RPAP2: variants seen among roughly 807,000 people sequenced by gnomAD.
RPAP2 encodes the protein putative RNA polymerase II subunit B1 CTD phosphatase RPAP2.
RPAP2 carries 52 observed loss-of-function variants against 73.1 expected under a neutral mutation model. That is an observed-to-expected ratio of 0.71 (90% CI 0.57 to 0.90). RPAP2 has a LOEUF of 0.90. Among genes scored for constraint, RPAP2 ranks in the 40% least tolerant of loss-of-function variants. The probability of loss-of-function intolerance (pLI) is 0.00; values close to 1 mark genes in which losing one functional copy is unlikely to be tolerated. For missense variants in RPAP2, 598 were observed against 701.8 expected, an observed-to-expected ratio of 0.85 and a Z score of 1.67; for synonymous variants, 225 against 242.1, an observed-to-expected ratio of 0.93 and a Z score of 0.65.
chr1:92,319,652 C>T (rs1026748277), intron 6 of RPAP2, among the ~76,000 whole-genome samples: 1 of 152,134 alleles, frequency 6.6e-6, no homozygotes, highest in African/African-American at 2.4e-5. Context: ...TAAACAGTCT[C>T]TGCCTTTAAG....
chr1:92,323,923 G>T lies in RPAP2; in HGVS notation c.1003G>T (p.Glu335Ter). Reference protein sequence around the residue: ...TLVGISKKSAEHFKRKFAKSN... With the variant: ...TLVGISKKSA Reference sequence around the variant, plus strand: ...AGTAGGCATAAGTAAGAAAAGTGCAGAGCATTTTAAGAGAAAATTTGCCAA... The same window carrying T: ...AGTAGGCATAAGTAAGAAAAGTGCATAGCATTTTAAGAGAAAATTTGCCAA... The change falls in exon 8 of 13, where the codon GAG becomes TAG. Residue 335 changes from glutamate to a stop codon, truncating the protein, a stop_gained. Transcript: ENST00000610020. LOFTEE classifies it high-confidence loss of function. 1.9e-6 allele frequency: 3 copies of T among 1,614,136 alleles called. No homozygotes were observed. In the South Asian group the frequency reaches 3.3e-5, roughly 18 times the overall value.
intron 11 of RPAP2, among the ~76,000 whole-genome samples, chr1:92,352,031 G>C (rs1471212317): frequency 6.6e-6 from 1 of 152,096 alleles, no homozygotes; most frequent in Non-Finnish European, 1.5e-5. Context: ...AAGGATAGAG[G>C]ATAAAGTGAC....
chr1:92,330,822 A>C (rs1652923433), intron 8 of RPAP2, among the ~76,000 whole-genome samples: 1 of 152,222 alleles, frequency 6.6e-6, no homozygotes, highest in African/African-American at 2.4e-5. Context: ...AGACTAATAC[A>C]GTGCTTACTA....
intron 7 of RPAP2, 79 bp from the exon 8 acceptor site, chr1:92,323,366 G>C: frequency 1.0e-6 from 1 of 966,086 alleles, no homozygotes. Flanking sequence ...AATACTATGG[G>C]GTACTTTACT....
chr1:92,363,453 A>G (rs1049239494), intron 11 of RPAP2, among the ~76,000 whole-genome samples: 3 of 152,222 alleles, frequency 2.0e-5, no homozygotes, highest in Non-Finnish European at 2.9e-5. Context: ...GTGGCTGCAG[A>G]TGCATTTATA....
chr1:92,306,792 C>T (rs1651268226), intron 5 of RPAP2, among the ~76,000 whole-genome samples: 3 of 151,664 alleles, frequency 2.0e-5, no homozygotes, highest in Admixed American at 1.3e-4. Flanking sequence ...TGAGTGAGAC[C>T]CTGTCCCTAA....
rs572542594 is a variant in RPAP2, at chr1:92,386,928, G to A, written c.*-83G>A. On this transcript the variant is annotated intron_variant, in intron 12 of 12. Coordinates refer to ENST00000610020, the MANE Select transcript of RPAP2 (RefSeq NM_024813.3). Reference sequence around the variant, plus strand: ...GGGTTTCACCATGCTGGCCAGGTTGGTCTCAAACTCCTGACCTCATGATCT... The same window carrying A: ...GGGTTTCACCATGCTGGCCAGGTTGATCTCAAACTCCTGACCTCATGATCT... 162 of 1,171,002 alleles carry A rather than the reference G, an allele frequency of 1.4e-4. No individual in the cohort carries two copies. In the South Asian group the frequency reaches 2.4e-3, roughly 17 times the overall value. The allele number at this position is 1,171,002 out of a possible 1,614,324, so 72.5% of individuals were successfully genotyped here. A position where few individuals can be genotyped will look rare whatever the true frequency, so the allele number is the denominator to read the frequency against.
rs959781789 is a variant in RPAP2, at chr1:92,317,390, C to G, written c.489-3209C>G. On this transcript the variant is annotated intron_variant, in intron 6 of 12. Transcript: ENST00000610020. ...GGGCGTAGTGGCGGGTGCCTGTAAT[C>G]CCAGCTACTCAGGAGGCTGAGGCAG... Among the ~76,000 whole-genome samples, 5 of 151,486 alleles carry G rather than the reference C, an allele frequency of 3.3e-5. No individual in the cohort carries two copies. The East Asian group carries it at 9.7e-4, about 29-fold the overall frequency.
chr1:92,393,559 A>G lies in RPAP2; in HGVS notation c.*6548A>G, dbSNP rs1373544833. On this transcript the variant is annotated 3_prime_UTR_variant, in exon 13 of 13. Coordinates refer to ENST00000610020, the MANE Select transcript of RPAP2 (RefSeq NM_024813.3). ...CAGGCAACCTACAGAATGGGAGAAC[A>G]TTTTTGCAATATATCCATCTGACAA... 6.6e-6 allele frequency: 1 copy of G among 152,230 alleles called. No individual in the cohort carries two copies. Among genetic ancestry groups the G allele is most frequent in the Non-Finnish European group, 1.5e-5 (1 of 68,046 alleles). The allele number at this position is 152,230 out of a possible 1,614,324, so 9.4% of individuals were successfully genotyped here. A position where few individuals can be genotyped will look rare whatever the true frequency, so the allele number is the denominator to read the frequency against.
intron 11 of RPAP2, among the ~76,000 whole-genome samples, chr1:92,377,882 A>G (rs1388274245): frequency 6.6e-6 from 1 of 152,196 alleles, no homozygotes; most frequent in African/African-American, 2.4e-5. Context: ...AGTTTTCTAG[A>G]GAAGTATTAT....
At chr1:92,372,074 T>C (rs1277899485) in intron 11 of RPAP2, among the ~76,000 whole-genome samples, 1 of 152,170 alleles carries the variant, frequency 6.6e-6, no homozygotes, top group Admixed American at 6.5e-5. Flanking sequence ...CATTCCACAA[T>C]GTACACATAT....
chr1:92,385,506 T>C (rs953463319), intron 12 of RPAP2, among the ~76,000 whole-genome samples: 7 of 152,200 alleles, frequency 4.6e-5, no homozygotes, highest in African/African-American at 1.4e-4. Flanking sequence ...ATTTTCTATA[T>C]GAGAAATGAA....
chr1:92,367,675 G>A (rs908431330), intron 11 of RPAP2, among the ~76,000 whole-genome samples: 4 of 152,166 alleles, frequency 2.6e-5, no homozygotes, highest in Admixed American at 6.5e-5. Flanking sequence ...AAATCTGATA[G>A]GTACAGAAAA....
intron 11 of RPAP2, among the ~76,000 whole-genome samples, chr1:92,362,200 C>T (rs1238318477): frequency 6.6e-6 from 1 of 152,098 alleles, no homozygotes; most frequent in Non-Finnish European, 1.5e-5. Flanking sequence ...TCCTGATCAC[C>T]GAGTGTGTTT....
At chr1:92,370,595 A>G (rs1040638703) in intron 11 of RPAP2, among the ~76,000 whole-genome samples, 5 of 152,206 alleles carry the variant, frequency 3.3e-5, no homozygotes, top group African/African-American at 1.2e-4. Context: ...ATAGAAGTGT[A>G]GAATCTCCAT....
rs1352201192 is a variant in RPAP2, at chr1:92,390,342, T to C, written c.*3331T>C. On this transcript the variant is annotated 3_prime_UTR_variant, in exon 13 of 13. Transcript: ENST00000610020. ...ATAAAATCCTTTACAGACAAGCAAA[T>C]GCTGAGAGATTTTGTCACCACCAGG... The C allele has an allele frequency of 6.6e-6, 1 of 152,106 alleles. No individual in the cohort carries two copies. Among genetic ancestry groups the C allele is most frequent in the Non-Finnish European group, 1.5e-5 (1 of 68,012 alleles). 9.4% of individuals were successfully genotyped at this position (152,106 alleles called of 1,614,324 possible).
At chr1:92,314,328 T>C (rs1301345331) in intron 6 of RPAP2, among the ~76,000 whole-genome samples, 2 of 151,294 alleles carry the variant, frequency 1.3e-5, no homozygotes, top group African/African-American at 4.9e-5. Context: ...TTGTTGCTGT[T>C]GCTGTTGTTT....
At position 92,324,071 on chromosome 1, in the gene RPAP2, G is replaced by A. The variant is rs1335714777; in HGVS notation, c.1151G>A (p.Arg384Lys). 1 of 1,614,060 alleles carries A rather than the reference G, an allele frequency of 6.2e-7. No homozygotes were observed. The highest frequency in any genetic ancestry group is 1.7e-5 in the Admixed American group (1 of 60,000). The stretch of plus-strand genomic sequence containing the variant: ...GAGTGGAAGACAGAAGAAACATTGA[G>A]GTTTTTGTATGGCCAGAATTATGCT... ...LIEWKTEETLRFLYGQNYASV... is the reference protein window; with the variant it reads ...LIEWKTEETLKFLYGQNYASV... Residue 384 changes from arginine (R) to lysine (K), a missense_variant, in exon 8 of 13, where the codon AGG becomes AAG. Transcript: ENST00000610020.
intron 11 of RPAP2, among the ~76,000 whole-genome samples, chr1:92,375,558 C>A (rs1193148507): frequency 6.6e-6 from 1 of 152,124 alleles, no homozygotes; most frequent in Non-Finnish European, 1.5e-5. Flanking sequence ...TGGACAGGCG[C>A]AGTGGCTCAA....
Sources: gnomAD v4.1 joint callset for allele counts (sites outside exome capture counted in the v4.1 genomes callset) on GRCh38, gnomAD v4.1.1 for gene constraint, MANE v1.5 for transcripts, NCBI Gene and HGNC (gene_info 2026-07-23, HGNC 2026-07-21) for gene names.